Variants in LIMK2 observed in about 807,000 individuals in gnomAD.
The protein encoded by LIMK2 is LIM domain kinase 2.
LIMK2 carries 35 observed loss-of-function variants against 75.7 expected under a neutral mutation model. That is an observed-to-expected ratio of 0.46 (90% CI 0.35 to 0.61). The LOEUF is 0.61. Among genes scored for constraint, LIMK2 ranks in the 20% least tolerant of loss-of-function variants. The pLI, the probability that LIMK2 is intolerant of heterozygous loss-of-function variation, is 0.00. For synonymous variants in LIMK2, 301 were observed against 319.2 expected, an observed-to-expected ratio of 0.94 and a Z score of 0.61; for missense variants, 623 against 831.0, an observed-to-expected ratio of 0.75 and a Z score of 3.08.
chr22:31,219,868 G>A (rs922164991), intron 1 of LIMK2, among the ~76,000 whole-genome samples: 3 of 152,306 alleles, frequency 2.0e-5, no homozygotes, highest in South Asian at 4.1e-4. Context: ...CACCACGCCC[G>A]GCTCTTTTCT....
At chr22:31,232,024 G>A (rs752120871) in intron 2 of LIMK2, among the ~76,000 whole-genome samples, 13 of 151,854 alleles carry the variant, frequency 8.6e-5, no homozygotes, top group Non-Finnish European at 1.8e-4. Flanking sequence ...TTAATACTAT[G>A]TTGCCCAGGC....
At chr22:31,261,165 A>G (rs1469910477) in intron 5 of LIMK2, among the ~76,000 whole-genome samples, 1 of 152,016 alleles carries the variant, frequency 6.6e-6, no homozygotes. Flanking sequence ...TTCTTAATTA[A>G]AAGAAAAGTC....
At chr22:31,246,183 G>GCACACACACA (rs57524309) in intron 2 of LIMK2, among the ~76,000 whole-genome samples, 2,515 of 135,066 alleles carry the variant, frequency 0.019, 52 homozygotes, top group Middle Eastern at 0.054. Flanking sequence ...ACGCACGCAC[G>GCACACACACA]CACACACACA....
intron 2 of LIMK2, among the ~76,000 whole-genome samples, chr22:31,241,082 G>A (rs1252612327): frequency 1.3e-5 from 2 of 152,026 alleles, no homozygotes; most frequent in Non-Finnish European, 2.9e-5. Flanking sequence ...AGAAACACTG[G>A]GGCTTGTTTA....
chr22:31,262,925 C>T lies in LIMK2; in HGVS notation c.854+134C>T. 1 of 807,754 alleles carries T rather than the reference C, an allele frequency of 1.2e-6. No individual in the cohort carries two copies. Among genetic ancestry groups the T allele is most frequent in the Non-Finnish European group, 1.9e-6 (1 of 534,650 alleles). The allele number at this position is 807,754 out of a possible 1,614,324, so 50.0% of individuals were successfully genotyped here. On this transcript the variant is annotated intron_variant, in intron 7 of 15. Coordinates refer to ENST00000331728, the MANE Select transcript of LIMK2 (RefSeq NM_005569.4). This position sits in a 1 kb window ranked among gnomAD's most constrained non-coding sequence, Gnocchi z 5.0. The stretch of plus-strand genomic sequence containing the variant: ...ACAGACTATGAGGATTGTGCTGACC[C>T]AGCTGCCCCTGTGGGGATCACAGTT...
In LIMK2 at chr22:31,268,292, T is replaced by G. The variant is rs181333704; in HGVS notation, c.1317+92T>G. On this transcript the variant is annotated intron_variant, in intron 11 of 15. Coordinates refer to ENST00000331728, the MANE Select transcript of LIMK2 (RefSeq NM_005569.4). Reference sequence around the variant, plus strand: ...ACTGGAAGGTAGAGACCCCTTCCTATGCAACTTGTGTGGGCTGGGTCAGCA... The same window carrying G: ...ACTGGAAGGTAGAGACCCCTTCCTAGGCAACTTGTGTGGGCTGGGTCAGCA... 5 of 1,038,952 alleles carry G rather than the reference T, an allele frequency of 4.8e-6. No individual in the cohort carries two copies. In the African/African-American group the frequency reaches 7.8e-5, roughly 16 times the overall value. 64.4% of individuals were successfully genotyped at this position (1,038,952 alleles called of 1,614,324 possible). A position where few individuals can be genotyped will look rare whatever the true frequency, so the allele number is the denominator to read the frequency against.
chr22:31,215,980 A>G (rs2048386139), intron 1 of LIMK2, among the ~76,000 whole-genome samples: 1 of 152,244 alleles, frequency 6.6e-6, no homozygotes, highest in South Asian at 2.1e-4. Flanking sequence ...GCAAGGAACA[A>G]GATAGACCAA....
chr22:31,246,183 G>GCGCGCACACACACACACACACACACA (rs746599250), intron 2 of LIMK2, among the ~76,000 whole-genome samples: 1 of 134,994 alleles, frequency 7.4e-6, no homozygotes, highest in Admixed American at 7.4e-5. Context: ...ACGCACGCAC[G>GCGCGCACACACACACACACACACACA]CACACACACA....
chr22:31,240,135 C>CT (rs1218943782), intron 2 of LIMK2, among the ~76,000 whole-genome samples: 2 of 152,186 alleles, frequency 1.3e-5, no homozygotes, highest in Admixed American at 6.5e-5. Flanking sequence ...CTAACAAATT[C>CT]TTTCTCCATA....
intron 5 of LIMK2, among the ~76,000 whole-genome samples, chr22:31,261,223 G>T (rs5749241): frequency 6.6e-6 from 1 of 152,150 alleles, no homozygotes; most frequent in African/African-American, 2.4e-5. Context: ...CACTTTGGGA[G>T]GCCAAGGTGG....
At chr22:31,212,465 G>A in intron 1 of LIMK2, 41 bp downstream of exon 1, 1 of 1,316,162 alleles carries the variant, frequency 7.6e-7, no homozygotes, top group Non-Finnish European at 9.8e-7. Flanking sequence ...TGTTATCTCC[G>A]AAGTCCGGTT....
chr22:31,278,142 G>A (rs2049050727), intron 15 of LIMK2, among the ~76,000 whole-genome samples, 155 bp from the exon 16 acceptor site: 1 of 152,122 alleles, frequency 6.6e-6, no homozygotes, highest in Admixed American at 6.5e-5. Flanking sequence ...TGAGGTACCG[G>A]TAACATTATG....
chr22:31,260,753 C>T (rs980432471), intron 5 of LIMK2, among the ~76,000 whole-genome samples: 1 of 152,156 alleles, frequency 6.6e-6, no homozygotes, highest in African/African-American at 2.4e-5. Context: ...TGTTCTACAA[C>T]CTTATTAGAT....
intron 2 of LIMK2, among the ~76,000 whole-genome samples, chr22:31,253,904 A>G (rs1445225828): frequency 3.1e-4 from 47 of 152,220 alleles, no homozygotes; most frequent in Non-Finnish European, 4.4e-5. Context: ...TCTGAAGTCT[A>G]CCATGGCAAC....
Position 31,262,594 on chromosome 22 carries a change from G to A in LIMK2, c.658-1G>A. The A allele has an allele frequency of 6.2e-7, 1 of 1,610,050 alleles. No homozygotes were observed. Among genetic ancestry groups the A allele is most frequent in the Non-Finnish European group, 8.5e-7 (1 of 1,177,310 alleles). ...GAGCTTTATACTGCTCTTGGCCACAGGTGGAGGATGCAATTAGCCAGACGA... is the reference window on the plus strand; with the variant it reads ...GAGCTTTATACTGCTCTTGGCCACAAGTGGAGGATGCAATTAGCCAGACGA... On this transcript the variant is annotated splice_acceptor_variant, in intron 6 of 15. Transcript: ENST00000331728. LOFTEE classifies it high-confidence loss of function. The surrounding 1 kb of genome is among the most constrained non-coding windows in gnomAD (Gnocchi z 5.0).
intron 1 of LIMK2, among the ~76,000 whole-genome samples, chr22:31,213,972 C>T (rs1267724670): frequency 2.6e-5 from 4 of 152,070 alleles, no homozygotes; most frequent in East Asian, 1.9e-4. Flanking sequence ...CCCGCCACCA[C>T]GCCCGGCTAA....
intron 1 of LIMK2, among the ~76,000 whole-genome samples, chr22:31,217,569 G>T (rs77664819): frequency 1.3e-5 from 2 of 152,162 alleles, no homozygotes; most frequent in African/African-American, 4.8e-5. Context: ...TCATACTTGC[G>T]TAGTGCTTAG....
chr22:31,277,025 C>T (rs781761826), intron 15 of LIMK2: 11 of 1,613,840 alleles, frequency 6.8e-6, no homozygotes, highest in Admixed American at 3.3e-5. Flanking sequence ...GATGCCTGGG[C>T]TTCCAGGGTC....
chr22:31,276,865 A>G, intron 15 of LIMK2: 3 of 1,612,352 alleles, frequency 1.9e-6, no homozygotes, highest in Non-Finnish European at 2.5e-6. Flanking sequence ...AGGGAAGGTC[A>G]CCATCAAGTA....
Sources: allele counts gnomAD v4.1 joint callset (sites outside exome capture counted in the v4.1 genomes callset), GRCh38; gene constraint gnomAD v4.1.1; non-coding constraint Gnocchi (gnomAD v3.1); transcripts MANE v1.5; gene names NCBI Gene and HGNC (gene_info 2026-07-23, HGNC 2026-07-21).